RHOBTB1: variants seen among roughly 807,000 people sequenced by gnomAD.
RHOBTB1 encodes the protein rho-related BTB domain-containing protein 1.
A neutral mutation model predicts 71.6 loss-of-function variants in RHOBTB1; 40 were observed. That is an observed-to-expected ratio of 0.56 (90% confidence interval 0.43 to 0.73). The LOEUF (loss-of-function observed/expected upper bound fraction) is 0.73, where lower values mean the gene tolerates loss of function less well. Ranked by LOEUF, RHOBTB1 falls within the 30% of genes least tolerant of loss-of-function variation. The probability of loss-of-function intolerance (pLI) is 0.00; values close to 1 mark genes in which losing one functional copy is unlikely to be tolerated. For synonymous variants in RHOBTB1, 319 were observed against 334.9 expected (o/e 0.95, Z 0.52); for missense variants, 797 against 894.0 (o/e 0.89, Z 1.38).
intron 5 of RHOBTB1, among the ~76,000 whole-genome samples, chr10:60,889,816 A>G (rs986096769): frequency 3.3e-5 from 5 of 152,180 alleles, no homozygotes; most frequent in Non-Finnish European, 5.9e-5. Context: ...GGACTATTGA[A>G]ATGTTTAAAT....
intron 2 of RHOBTB1, among the ~76,000 whole-genome samples, chr10:60,982,504 T>C (rs57390948): frequency 0.055 from 8,382 of 152,236 alleles, 800 homozygotes; most frequent in African/African-American, 0.19. Flanking sequence ...GTTGGCCAGA[T>C]GACTCTGTTG....
At chr10:60,915,539 A>G (rs1439679326) in intron 2 of RHOBTB1, among the ~76,000 whole-genome samples, 1 of 152,216 alleles carries the variant, frequency 6.6e-6, no homozygotes, top group Non-Finnish European at 1.5e-5. Flanking sequence ...ACGTTATTTC[A>G]TATTTTCACC....
Position 60,971,754 on chromosome 10 carries a change from G to A in RHOBTB1, c.-62+14091C>T, listed in dbSNP as rs193177428. Among the ~76,000 whole-genome samples the A allele has an allele frequency of 4.2e-3, 646 of 152,214 alleles. 1 individual carries two copies. Among genetic ancestry groups the A allele is most frequent in the Non-Finnish European group, 7.1e-3 (483 of 68,012 alleles). ...AAAGAAACTATCAACAGAGTGAGCA[G>A]GCAACCTACAGAATAGGAGAAAAAT... On this transcript the variant is annotated intron_variant, in intron 2 of 11. Coordinates refer to the RHOBTB1 transcript ENST00000357917.
rs531207418 is a variant in RHOBTB1, at chr10:60,909,290, T to C, written c.296+1597A>G. ...TCATGTTAAATTTCGTTGTTTGAAA[T>C]GAATACATTTCATTGTTGTTGTTTT... is the stretch of plus-strand genomic sequence containing the variant. On this transcript the variant is annotated intron_variant, in intron 4 of 10. Coordinates refer to ENST00000337910, the MANE Select transcript of RHOBTB1 (RefSeq NM_014836.5). Among the ~76,000 whole-genome samples, 6 of 152,340 alleles carry C rather than the reference T, an allele frequency of 3.9e-5. No homozygotes were observed. In the East Asian group the frequency reaches 1.2e-3, roughly 29 times the overall value.
At chr10:60,893,035 A>G (rs771182700) in intron 4 of RHOBTB1, 40 bp from the exon 5 acceptor site, 1 of 1,525,028 alleles carries the variant, frequency 6.6e-7, no homozygotes, top group Admixed American at 1.9e-5. Context: ...TTGCCTTTTA[A>G]CAGGTTTTTT....
intron 2 of RHOBTB1, among the ~76,000 whole-genome samples, chr10:60,932,941 C>A (rs79238095): frequency 6.6e-6 from 1 of 152,166 alleles, no homozygotes; most frequent in African/African-American, 2.4e-5. Flanking sequence ...GAAGCAGCAG[C>A]GTGACCACCT....
At chr10:60,905,149 TAA>T (rs35575286) in intron 4 of RHOBTB1, among the ~76,000 whole-genome samples, 2,457 of 140,028 alleles carry the variant, frequency 0.018, 66 homozygotes, top group African/African-American at 0.059. Context: ...AGATAATACT[TAA>T]AAAAAAAAAA....
chr10:60,967,512 C>A (rs2086012449), intron 2 of RHOBTB1, among the ~76,000 whole-genome samples: 1 of 151,908 alleles, frequency 6.6e-6, no homozygotes, highest in South Asian at 2.1e-4. Flanking sequence ...AACAGACCGG[C>A]AGCTGAGAGA....
intron 8 of RHOBTB1, 98 bp downstream of exon 8, chr10:60,877,810 T>G (rs959835880): frequency 2.1e-5 from 27 of 1,289,426 alleles, no homozygotes; most frequent in Non-Finnish European, 2.9e-5. Context: ...TTTTGGGTGA[T>G]AAAAAATCAA....
At chr10:60,889,560 T>G (rs1341883591) in intron 5 of RHOBTB1, among the ~76,000 whole-genome samples, 1 of 152,196 alleles carries the variant, frequency 6.6e-6, no homozygotes, top group East Asian at 1.9e-4. Flanking sequence ...TTTGCTAAAT[T>G]AATAGGTTAA....
chr10:60,922,783 G>T (rs7913710), intron 2 of RHOBTB1, among the ~76,000 whole-genome samples: 72,753 of 151,998 alleles, frequency 0.48, 18,117 homozygotes, highest in East Asian at 0.74. Context: ...TATGGAAAAA[G>T]ATTCTCTCTG....
In RHOBTB1 at chr10:60,984,728, G is replaced by A. The variant is rs1438328731; in HGVS notation, c.-62+1117C>T. Among the ~76,000 whole-genome samples the A allele has an allele frequency of 4.6e-5, 7 of 152,060 alleles. 1 individual carries two copies. In the South Asian group the frequency reaches 8.3e-4, roughly 18 times the overall value. On this transcript the variant is annotated intron_variant, in intron 2 of 11. Coordinates refer to the RHOBTB1 transcript ENST00000357917. Reference sequence around the variant, plus strand: ...GACTTCAATAAATTTAAAATCTTTCGATAATTTGTTCATGAGCTGGGTGGA... The same window carrying A: ...GACTTCAATAAATTTAAAATCTTTCAATAATTTGTTCATGAGCTGGGTGGA...
chr10:60,881,629 G>A (rs1470832226), intron 7 of RHOBTB1, among the ~76,000 whole-genome samples: 2 of 152,202 alleles, frequency 1.3e-5, no homozygotes, highest in African/African-American at 2.4e-5. Flanking sequence ...CGTTACATGG[G>A]AGGAATTTGG....
intron 2 of RHOBTB1, among the ~76,000 whole-genome samples, chr10:60,931,852 T>C (rs908348567): frequency 5.3e-5 from 8 of 152,134 alleles, no homozygotes; most frequent in African/African-American, 1.9e-4. Flanking sequence ...CAGCTGTGGA[T>C]ATTCAGGACA....
intron 4 of RHOBTB1, among the ~76,000 whole-genome samples, chr10:60,904,381 T>C (rs1359029866): frequency 6.6e-6 from 1 of 152,236 alleles, no homozygotes; most frequent in Admixed American, 6.5e-5. Flanking sequence ...GGCAAACATT[T>C]CCATCACCCC....
intron 4 of RHOBTB1, among the ~76,000 whole-genome samples, chr10:60,906,017 A>G (rs1419399113): frequency 6.6e-6 from 1 of 152,202 alleles, no homozygotes; most frequent in Non-Finnish European, 1.5e-5. Context: ...CAGAAACCAT[A>G]GCTCTGATTA....
intron 2 of RHOBTB1, among the ~76,000 whole-genome samples, chr10:60,936,316 C>T (rs893659828): frequency 2.6e-5 from 4 of 152,196 alleles, no homozygotes; most frequent in Non-Finnish European, 4.4e-5. Flanking sequence ...TTCTGTGAGA[C>T]CCAACTGGCT....
the RHOBTB1 span, among the ~76,000 whole-genome samples, chr10:60,864,013 G>C: frequency 6.6e-6 from 1 of 152,122 alleles, no homozygotes; most frequent in Non-Finnish European, 1.5e-5. Flanking sequence ...TCCACTGCCT[G>C]AGCACTTAGC....
intron 2 of RHOBTB1, among the ~76,000 whole-genome samples, chr10:60,926,230 C>G (rs1238509897): frequency 6.6e-6 from 1 of 152,104 alleles, no homozygotes; most frequent in Admixed American, 6.5e-5. Context: ...GAGCAACACT[C>G]TGTCCAAAAT....
Sources: gnomAD v4.1 joint callset for allele counts (sites outside exome capture counted in the v4.1 genomes callset) on GRCh38, gnomAD v4.1.1 for gene constraint, MANE v1.5 for transcripts, NCBI Gene and HGNC (gene_info 2026-07-23, HGNC 2026-07-21) for gene names.